Variants in NETO2 observed in about 807,000 individuals in gnomAD.
NETO2 encodes the protein neuropilin and tolloid-like protein 2.
NETO2 carries 28 observed loss-of-function variants against 62.5 expected under a neutral mutation model. That is an observed-to-expected ratio of 0.45 (90% CI 0.33 to 0.61). The LOEUF is 0.61. Among genes scored for constraint, NETO2 ranks in the 20% least tolerant of loss-of-function variants. The pLI, the probability that NETO2 is intolerant of heterozygous loss-of-function variation, is 0.02. For missense variants in NETO2, 548 were observed against 643.2 expected, an observed-to-expected ratio of 0.85 and a Z score of 1.60; for synonymous variants, 214 against 219.1, an observed-to-expected ratio of 0.98 and a Z score of 0.21.
intron 6 of NETO2, among the ~76,000 whole-genome samples, chr16:47,112,141 C>T (rs1434779689): frequency 1.3e-5 from 2 of 152,126 alleles, no homozygotes; most frequent in Non-Finnish European, 2.9e-5. Flanking sequence ...TGGTCTTGAA[C>T]TGCCAGGCTC....
chr16:47,108,044 G>A (rs1963710350), intron 7 of NETO2, among the ~76,000 whole-genome samples: 1 of 151,990 alleles, frequency 6.6e-6, no homozygotes. Flanking sequence ...CCAAAGTGCT[G>A]GGATTACAGG....
At chr16:47,129,626 T>C (rs568003612) in intron 2 of NETO2, among the ~76,000 whole-genome samples, 1 of 152,160 alleles carries the variant, frequency 6.6e-6, no homozygotes, top group South Asian at 2.1e-4. Context: ...CAAAACCATA[T>C]GGGGGAATCT....
chr16:47,083,882 G>T, intron 8 of NETO2, 81 bp from the exon 9 acceptor site: 1 of 1,113,766 alleles, frequency 9.0e-7, no homozygotes, highest in Non-Finnish European at 1.3e-6. Context: ...GGTATTTTTA[G>T]GTAAAACAGA....
At chr16:47,126,942 T>C (rs1323937918) in intron 4 of NETO2, among the ~76,000 whole-genome samples, 2 of 152,328 alleles carry the variant, frequency 1.3e-5, no homozygotes, top group East Asian at 1.9e-4. Context: ...GGCAAACATC[T>C]GTTTTTCAGG....
intron 6 of NETO2, among the ~76,000 whole-genome samples, chr16:47,115,732 C>CGTATATATATATATATATATATAT (rs1963904659): frequency 7.4e-6 from 1 of 134,492 alleles, no homozygotes; most frequent in African/African-American, 3.2e-5. Context: ...TATATATATA[C>CGTATATATATATATATATATATAT]ATGTATATAT....
At chr16:47,098,871 T>C (rs1482926240) in intron 7 of NETO2, among the ~76,000 whole-genome samples, 1 of 152,178 alleles carries the variant, frequency 6.6e-6, no homozygotes, top group Non-Finnish European at 1.5e-5. Flanking sequence ...GGGGCCAATA[T>C]GCAACATTCT....
At position 47,082,319 on chromosome 16, in the gene NETO2, G is replaced by C. The variant is rs1963082537; in HGVS notation, c.*902C>G. On this transcript the variant is annotated 3_prime_UTR_variant, in exon 9 of 9. Coordinates refer to ENST00000562435, the MANE Select transcript of NETO2 (RefSeq NM_018092.5). ...GGGAGCTATGTAACAATCTAGCGAA[G>C]AGAAACATTGCAAATAAATGTAATT... 1 of 152,260 alleles carries C rather than the reference G, an allele frequency of 6.6e-6. No individual in the cohort carries two copies. The highest frequency in any genetic ancestry group is 1.5e-5 in the Non-Finnish European group (1 of 68,032). The allele number at this position is 152,260 out of a possible 1,614,324, so 9.4% of individuals were successfully genotyped here.
chr16:47,122,229 C>T (rs923628562), intron 6 of NETO2, among the ~76,000 whole-genome samples: 12 of 152,118 alleles, frequency 7.9e-5, no homozygotes, highest in Non-Finnish European at 1.6e-4. Flanking sequence ...AGAACAGACT[C>T]GACACATTTG....
chr16:47,115,591 G>A (rs1251287925), intron 6 of NETO2, among the ~76,000 whole-genome samples: 1 of 149,378 alleles, frequency 6.7e-6, no homozygotes, highest in African/African-American at 2.5e-5. Flanking sequence ...GCAGTGGTGC[G>A]CTCTTGGCTC....
chr16:47,138,303 G>C (rs763463820), intron 1 of NETO2, among the ~76,000 whole-genome samples: 10 of 152,208 alleles, frequency 6.6e-5, no homozygotes, highest in Non-Finnish European at 1.5e-4. Flanking sequence ...GGGAGGCTGA[G>C]GCAGGAGAAT....
At chr16:47,133,622 A>G (rs1315898324) in intron 1 of NETO2, among the ~76,000 whole-genome samples, 1 of 142,048 alleles carries the variant, frequency 7.0e-6, no homozygotes, top group South Asian at 2.1e-4. Context: ...AAAATAAAAT[A>G]AAATAAAATA....
chr16:47,104,722 T>A (rs1165716328), intron 7 of NETO2, among the ~76,000 whole-genome samples: 1 of 152,156 alleles, frequency 6.6e-6, no homozygotes, highest in African/African-American at 2.4e-5. Context: ...AATCTTCACA[T>A]AATTTCTTTT....
In NETO2 at chr16:47,122,687, G is replaced by T; in HGVS notation, c.624C>A (p.Ile208=). 2.5e-6 allele frequency: 4 copies of T among 1,614,140 alleles called. No homozygotes were observed. Among genetic ancestry groups the T allele is most frequent in the Non-Finnish European group, 3.4e-6 (4 of 1,180,020 alleles). ...KTKPGQAVDC[I]WTIKATPKAK... ...CTTTTGGAGTGGCTTTAATGGTCCA[G>T]ATGCAATCAACGGCTTGGCCTGGTT... The change falls in exon 6 of 9, where the codon ATC becomes ATA. Residue 208 remains isoleucine (I), a synonymous_variant. Transcript: ENST00000562435.
In NETO2 at chr16:47,098,823, G is replaced by A. The variant is rs554044489; in HGVS notation, c.883+10660C>T. Among the ~76,000 whole-genome samples, 103 of 151,622 alleles carry A rather than the reference G, an allele frequency of 6.8e-4. 1 individual carries two copies. The highest frequency in any genetic ancestry group is 2.4e-3 in the African/African-American group (97 of 40,968). ...AAGGGAAGCCCATCAGACTAACAGC[G>A]ATCTCTCTGCAGAAACCCTACAAGC... On this transcript the variant is annotated intron_variant, in intron 7 of 8. Coordinates refer to ENST00000562435, the MANE Select transcript of NETO2 (RefSeq NM_018092.5).
chr16:47,078,553 A>C lies in NETO2; in HGVS notation c.*4668T>G, dbSNP rs1963013738. 1 of 152,252 alleles carries C rather than the reference A, an allele frequency of 6.6e-6. No individual in the cohort carries two copies. The highest frequency in any genetic ancestry group is 1.5e-5 in the Non-Finnish European group (1 of 68,042). The allele number at this position is 152,252 out of a possible 1,614,324, so 9.4% of individuals were successfully genotyped here. A position where few individuals can be genotyped will look rare whatever the true frequency, so the allele number is the denominator to read the frequency against. ...ATTTTTAAAAAGTTAAAGTAAAGCA[A>C]ATTCAGAGTTTTGAATTATTAGCAG... On this transcript the variant is annotated 3_prime_UTR_variant, in exon 9 of 9. Transcript: ENST00000562435.
intron 1 of NETO2, among the ~76,000 whole-genome samples, chr16:47,138,761 C>G (rs1964406576): frequency 6.6e-6 from 1 of 152,162 alleles, no homozygotes; most frequent in South Asian, 2.1e-4. Flanking sequence ...CCAGTAGAGT[C>G]CCATTATAGT....
In NETO2 at chr16:47,128,519, G is replaced by C; in HGVS notation, c.287C>G (p.Pro96Arg). 1 of 1,613,796 alleles carries C rather than the reference G, an allele frequency of 6.2e-7. No individual in the cohort carries two copies. Among genetic ancestry groups the C allele is most frequent in the Non-Finnish European group, 8.5e-7 (1 of 1,179,930 alleles). ...GTGATCAAACCGACACTCAAATGAT[G>C]GTTCTATATAATAATGTTCATCAAA... Reference protein sequence around the residue: ...LTFDEHYYIEPSFECRFDHLE... With the variant: ...LTFDEHYYIERSFECRFDHLE... Residue 96 changes from proline (P) to arginine (R), a missense_variant, in exon 4 of 9, where the codon CCA becomes CGA. Coordinates refer to ENST00000562435, the MANE Select transcript of NETO2 (RefSeq NM_018092.5).
intron 7 of NETO2, among the ~76,000 whole-genome samples, chr16:47,096,082 G>T (rs934606675): frequency 1.3e-5 from 2 of 151,934 alleles, no homozygotes; most frequent in African/African-American, 4.8e-5. Flanking sequence ...TTTCAAAAAA[G>T]AAATCCACGG....
At chr16:47,113,833 TC>T (rs1259585379) in intron 6 of NETO2, among the ~76,000 whole-genome samples, 1 of 152,022 alleles carries the variant, frequency 6.6e-6, no homozygotes, top group Non-Finnish European at 1.5e-5. Context: ...CCTCAAGTGA[TC>T]CCCCCACCTC....
Sources: allele counts gnomAD v4.1 joint callset (sites outside exome capture counted in the v4.1 genomes callset), GRCh38; gene constraint gnomAD v4.1.1; transcripts MANE v1.5; gene names NCBI Gene and HGNC (gene_info 2026-07-23, HGNC 2026-07-21).